The following LINGO2 variants were observed in gnomAD, a reference collection of about 807,000 sequenced individuals.
The protein encoded by LINGO2 is leucine-rich repeat and immunoglobulin-like domain-containing nogo receptor-interacting protein 2.
Under a neutral mutation model 30.6 loss-of-function variants are expected in LINGO2, and 14 were observed. The observed-to-expected ratio is 0.46, with a 90% CI of 0.30 to 0.72. The LOEUF is 0.72. Ranked by LOEUF, LINGO2 falls within the 30% of genes least tolerant of loss-of-function variation. The probability of loss-of-function intolerance (pLI) is 0.07; values close to 1 mark genes in which losing one functional copy is unlikely to be tolerated. For missense variants in LINGO2, 729 were observed against 751.7 expected, an observed-to-expected ratio of 0.97 and a Z score of 0.35; for synonymous variants, 317 against 288.5, an observed-to-expected ratio of 1.10 and a Z score of -1.00.
At chr9:29,007,251 C>A in the LINGO2 span, among the ~76,000 whole-genome samples, 1 of 151,998 alleles carries the variant, frequency 6.6e-6, no homozygotes, top group African/African-American at 2.4e-5. Context: ...TTACTACTCC[C>A]CAGTAAAATA....
rs897631741 is a variant in LINGO2 at position 28,452,029 on chromosome 9, A to C, written c.-279+23911T>G. 2.0e-5 allele frequency among the ~76,000 whole-genome samples: 3 copies of C among 151,792 alleles called. No homozygotes were observed. The East Asian group carries it at 5.8e-4, about 29-fold the overall frequency. Reference sequence around the variant, plus strand: ...TTGAAATAGGTAGAGTACACTAAAAAATAAATTCTCATTTTATTTACATGT... The same window carrying C: ...TTGAAATAGGTAGAGTACACTAAAACATAAATTCTCATTTTATTTACATGT... On this transcript the variant is annotated intron_variant, in intron 2 of 5. Transcript: ENST00000379992.
chr9:29,086,700 T>A, the LINGO2 span, among the ~76,000 whole-genome samples: 1 of 152,144 alleles, frequency 6.6e-6, no homozygotes, highest in Non-Finnish European at 1.5e-5. Flanking sequence ...ATTAATGTAT[T>A]TCCAAACATA....
intron 1 of LINGO2, among the ~76,000 whole-genome samples, chr9:28,528,809 T>C (rs1398107738): frequency 1.3e-5 from 2 of 152,104 alleles, no homozygotes; most frequent in South Asian, 2.1e-4. Flanking sequence ...CACATATATA[T>C]ACACATATAT....
chr9:28,966,286 C>A, the LINGO2 span, among the ~76,000 whole-genome samples: 1 of 151,952 alleles, frequency 6.6e-6, no homozygotes, highest in South Asian at 2.1e-4. Flanking sequence ...GGCCTCTTTA[C>A]CTTTGAAGAA....
the LINGO2 span, among the ~76,000 whole-genome samples, chr9:29,079,161 G>A: frequency 1.5e-4 from 23 of 151,768 alleles, no homozygotes; most frequent in South Asian, 3.3e-3. Context: ...AAAATGCTAC[G>A]GTAGATGTGC....
At chr9:28,798,138 T>G in the LINGO2 span, among the ~76,000 whole-genome samples, 1 of 152,194 alleles carries the variant, frequency 6.6e-6, no homozygotes, top group Non-Finnish European at 1.5e-5. Flanking sequence ...TATAGATGAT[T>G]ATTTCTTAGA....
chr9:28,712,664 A>G, the LINGO2 span, among the ~76,000 whole-genome samples: 1 of 151,900 alleles, frequency 6.6e-6, no homozygotes, highest in Non-Finnish European at 1.5e-5. Flanking sequence ...AGACTGGCAT[A>G]TAATACTAGA....
rs567470908 is a variant in LINGO2, at chr9:28,044,211, G to T, written c.-86-31806C>A. On this transcript the variant is annotated intron_variant, in intron 4 of 5. Coordinates refer to ENST00000379992, the Ensembl canonical transcript of LINGO2. ...ATTTTTGAACCTGAATGTATCATTT[G>T]TAAAATGGGAGTAATGATACCACCT... Among the ~76,000 whole-genome samples the T allele has an allele frequency of 8.5e-5, 13 of 152,322 alleles. No individual in the cohort carries two copies. The South Asian group carries it at 1.0e-3, about 12-fold the overall frequency.
intron 3 of LINGO2, among the ~76,000 whole-genome samples, chr9:28,347,693 T>G (rs1412813412): frequency 6.6e-6 from 1 of 152,228 alleles, no homozygotes; most frequent in East Asian, 1.9e-4. Flanking sequence ...GACTCCACTC[T>G]GTAATTCATT....
chr9:28,684,175 CTTTTTTTTTTTTTTTTT>C, the LINGO2 span, among the ~76,000 whole-genome samples: 11 of 45,432 alleles, frequency 2.4e-4, no homozygotes, highest in African/African-American at 7.9e-4. Flanking sequence ...AAATGTTTAT[CTTTTTTTTTTTTTTTTT>C]TTTTTTTTTT....
intron 4 of LINGO2, among the ~76,000 whole-genome samples, chr9:28,072,194 C>G (rs1825498964): frequency 6.6e-6 from 1 of 152,166 alleles, no homozygotes; most frequent in Non-Finnish European, 1.5e-5. Context: ...TGTGTATGAA[C>G]TGGCACAGTT....
chr9:28,093,585 T>C (rs1447493003), intron 4 of LINGO2, among the ~76,000 whole-genome samples: 3 of 152,126 alleles, frequency 2.0e-5, no homozygotes, highest in Non-Finnish European at 2.9e-5. Flanking sequence ...TAATTAATTA[T>C]TAATGTCAGA....
chr9:28,300,638 T>C (rs1261246135), intron 3 of LINGO2, among the ~76,000 whole-genome samples: 2 of 152,044 alleles, frequency 1.3e-5, no homozygotes, highest in East Asian at 3.9e-4. Flanking sequence ...TCTTTCTACC[T>C]TTTCTTCCTT....
At chr9:28,545,658 A>AGG (rs145496813) in intron 1 of LINGO2, among the ~76,000 whole-genome samples, 1 of 151,884 alleles carries the variant, frequency 6.6e-6, no homozygotes, top group Non-Finnish European at 1.5e-5. Context: ...GAGGAAAAAG[A>AGG]GGGGGGGAAC....
chr9:28,545,661 G>T (rs544832009), intron 1 of LINGO2, among the ~76,000 whole-genome samples: 2 of 152,028 alleles, frequency 1.3e-5, no homozygotes, highest in South Asian at 4.1e-4. Context: ...GAAAAAGAGG[G>T]GGGGAACTTT....
chr9:28,268,557 T>G (rs1822834133), intron 4 of LINGO2, among the ~76,000 whole-genome samples: 3 of 152,160 alleles, frequency 2.0e-5, no homozygotes, highest in Admixed American at 6.6e-5. Flanking sequence ...TGAGTCCATT[T>G]GAGTATAAGA....
intron 4 of LINGO2, among the ~76,000 whole-genome samples, chr9:28,212,642 C>G (rs1210893727): frequency 6.6e-6 from 1 of 151,308 alleles, no homozygotes; most frequent in Non-Finnish European, 1.5e-5. Flanking sequence ...TCAACTAGAT[C>G]TGCATTGATC....
chr9:29,022,723 T>A, the LINGO2 span, among the ~76,000 whole-genome samples: 2 of 152,138 alleles, frequency 1.3e-5, no homozygotes, highest in African/African-American at 2.4e-5. Flanking sequence ...ATTAAAGTAA[T>A]AAAGAACTAG....
chr9:28,950,643 A>G, the LINGO2 span, among the ~76,000 whole-genome samples: 63 of 152,236 alleles, frequency 4.1e-4, no homozygotes, highest in African/African-American at 1.5e-3. Context: ...CTCCCATTCA[A>G]AATTGCTACA....
Sources: allele counts gnomAD v4.1 joint callset (sites outside exome capture counted in the v4.1 genomes callset), GRCh38; gene constraint gnomAD v4.1.1; transcripts MANE v1.5; gene names NCBI Gene and HGNC (gene_info 2026-07-23, HGNC 2026-07-21).